Variants in STAU1 observed in about 807,000 individuals in gnomAD.
STAU1 encodes the protein double-stranded RNA-binding protein Staufen homolog 1.
A neutral mutation model predicts 62.9 loss-of-function variants in STAU1; 13 were observed. That is an observed-to-expected ratio of 0.21 (90% CI 0.13 to 0.33). The LOEUF (loss-of-function observed/expected upper bound fraction) is 0.33. Among genes scored for constraint, STAU1 ranks in the 10% least tolerant of loss-of-function variants. STAU1 has a pLI of 1.00. For missense variants in STAU1, 571 were observed against 712.1 expected (o/e 0.80, Z 2.25); for synonymous variants, 269 against 265.1 (o/e 1.01, Z -0.14).
intron 2 of STAU1, among the ~76,000 whole-genome samples, chr20:49,170,447 T>A (rs1220398082): frequency 6.6e-6 from 1 of 152,132 alleles, no homozygotes; most frequent in Non-Finnish European, 1.5e-5. Flanking sequence ...GCCTCCCAGG[T>A]TCAAGTGATT....
At chr20:49,171,577 G>C (rs1036141248) in intron 2 of STAU1, among the ~76,000 whole-genome samples, 5 of 152,096 alleles carry the variant, frequency 3.3e-5, no homozygotes, top group Admixed American at 3.3e-4. Context: ...GTGAGCCACC[G>C]CACCCAGCCT....
rs769366068 is a variant in STAU1 at position 49,134,153 on chromosome 20, C to T, written c.609+1680G>A. ...CATTAAAAATTCTCCCTTACTGGGC[C>T]GGGCAAGGTGGCTCACGCCTGTAAT... On this transcript the variant is annotated intron_variant, in intron 6 of 13. Coordinates refer to ENST00000371856, the MANE Select transcript of STAU1 (RefSeq NM_017453.4). Among the ~76,000 whole-genome samples, 52 of 152,050 alleles carry T rather than the reference C, an allele frequency of 3.4e-4. 1 individual carries two copies. Among genetic ancestry groups the T allele is most frequent in the Non-Finnish European group, 8.8e-5 (6 of 68,006 alleles).
intron 9 of STAU1, 108 bp from the exon 10 acceptor site, chr20:49,118,516 G>T: frequency 1.1e-6 from 1 of 869,798 alleles, no homozygotes. Flanking sequence ...AATAACTGTG[G>T]CAATCGGCAG....
At chr20:49,176,758 A>T (rs1229512411) in intron 1 of STAU1, among the ~76,000 whole-genome samples, 1 of 152,178 alleles carries the variant, frequency 6.6e-6, no homozygotes, top group Non-Finnish European at 1.5e-5. Flanking sequence ...CCCAAATACC[A>T]AAGACCTTCT....
intron 1 of STAU1, among the ~76,000 whole-genome samples, chr20:49,176,376 G>C (rs927237944): frequency 3.9e-5 from 6 of 152,122 alleles, no homozygotes; most frequent in Non-Finnish European, 8.8e-5. Flanking sequence ...CAGAATTTGA[G>C]TTTAATTCTC....
intron 1 of STAU1, among the ~76,000 whole-genome samples, chr20:49,187,143 T>C (rs348287): frequency 1.5e-4 from 23 of 152,104 alleles, no homozygotes; most frequent in African/African-American, 5.6e-4. Context: ...CTAGATAGGT[T>C]TGCTCAACTC....
At chr20:49,175,561 C>T (rs1373756959) in intron 1 of STAU1, among the ~76,000 whole-genome samples, 1 of 150,910 alleles carries the variant, frequency 6.6e-6, no homozygotes, top group Non-Finnish European at 1.5e-5. Flanking sequence ...CTCCCTGCAA[C>T]CTCCGCCTCC....
At chr20:49,153,251 G>GGAAAAAAAAA (rs1379385445) in intron 4 of STAU1, among the ~76,000 whole-genome samples, 3 of 99,076 alleles carry the variant, frequency 3.0e-5, no homozygotes, top group African/African-American at 1.2e-4. Flanking sequence ...CTCCGTCTCA[G>GGAAAAAAAAA]AAAAAAAAAA....
In STAU1 at chr20:49,117,854, A is replaced by G. The variant is rs1294541307; in HGVS notation, c.1432T>C (p.Ser478Pro). The change falls in exon 11 of 14, where the codon TCA becomes CCA. Residue 478 changes from serine (S) to proline (P), a missense_variant. Coordinates refer to ENST00000371856, the MANE Select transcript of STAU1 (RefSeq NM_017453.4). The surrounding 1 kb of genome is among the most constrained non-coding windows in gnomAD (Gnocchi z 4.6). ...AGAGGTCCATGGGGTACGTGGCCTG[A>G]AGAGATGTTATTCTTTAAAATGGTC... ...AETILKNNIS[S>P]GHVPHGPLTR... 79 of 1,614,180 alleles carry G rather than the reference A, an allele frequency of 4.9e-5. No individual in the cohort carries two copies. The highest frequency in any genetic ancestry group is 1.6e-4 in the Middle Eastern group (1 of 6,062).
upstream of STAU1, chr20:49,188,515 G>A (rs779022333): frequency 3.3e-5 from 5 of 152,420 alleles, no homozygotes; most frequent in Non-Finnish European, 7.3e-5. Context: ...GGCCCAGCGG[G>A]AGGAGCGCCC....
chr20:49,206,413 G>GT, the STAU1 span, among the ~76,000 whole-genome samples: 1 of 129,484 alleles, frequency 7.7e-6, no homozygotes, highest in Non-Finnish European at 1.6e-5. Flanking sequence ...TCTTCCTTCT[G>GT]GTTTTTTTTT....
intron 9 of STAU1, among the ~76,000 whole-genome samples, chr20:49,118,795 T>G: frequency 6.6e-6 from 1 of 152,168 alleles, no homozygotes; most frequent in East Asian, 1.9e-4. Flanking sequence ...TCAAGAATAT[T>G]TCCTGGAGCT....
chr20:49,115,369 C>T (rs773447980), intron 13 of STAU1, among the ~76,000 whole-genome samples: 7 of 151,858 alleles, frequency 4.6e-5, no homozygotes, highest in African/African-American at 1.7e-4. Flanking sequence ...GGCGCTATGT[C>T]GGCTCACTGC....
At chr20:49,202,118 G>A in the STAU1 span, among the ~76,000 whole-genome samples, 1 of 151,128 alleles carries the variant, frequency 6.6e-6, no homozygotes, top group Non-Finnish European at 1.5e-5. Context: ...TACTCAGGAG[G>A]CTGAGGCAGG....
intron 4 of STAU1, 141 bp from the exon 5 acceptor site, chr20:49,151,888 C>A: frequency 1.4e-6 from 1 of 722,672 alleles, no homozygotes; most frequent in East Asian, 3.0e-5. Context: ...ATCAATATAT[C>A]CAGAGATTTC....
rs1309573018 is a variant in STAU1, at chr20:49,181,763, C to CAAAAAAAAAAAAAAAAAA, written c.-160+6352_-160+6353insTTTTTTTTTTTTTTTTTT. Among the ~76,000 whole-genome samples the CAAAAAAAAAAAAAAAAAA allele has an allele frequency of 4.5e-5, 3 of 66,702 alleles. 1 individual carries two copies. Among genetic ancestry groups the CAAAAAAAAAAAAAAAAAA allele is most frequent in the Admixed American group, 1.9e-4 (1 of 5,358 alleles). The allele number at this position is 66,702 out of a possible 152,430, so 43.8% of individuals were successfully genotyped here. On this transcript the variant is annotated intron_variant, in intron 1 of 13. Transcript: ENST00000371856. ...CCTGGGCAACAGAGCAAGACTATCTCAACAAAAAAAAAAAAAAAAAAAAAA... is the reference window on the plus strand; with the variant it reads ...CCTGGGCAACAGAGCAAGACTATCTCAAAAAAAAAAAAAAAAAAAACAAAAAAAAAAAAAAAAAAAAAA...
chr20:49,165,580 C>A (rs1315223766), intron 3 of STAU1, among the ~76,000 whole-genome samples: 1 of 152,144 alleles, frequency 6.6e-6, no homozygotes, highest in African/African-American at 2.4e-5. Flanking sequence ...TGCTGATCCA[C>A]CTGCCTCAAC....
At chr20:49,182,897 T>C (rs571881182) in intron 1 of STAU1, among the ~76,000 whole-genome samples, 136 of 139,208 alleles carry the variant, frequency 9.8e-4, no homozygotes, top group Non-Finnish European at 1.5e-3. Flanking sequence ...GAGGCAAAAA[T>C]AGAAAGTAGA....
At chr20:49,190,161 A>C (rs867918606), upstream of STAU1, among the ~76,000 whole-genome samples, 1 of 152,182 alleles carries the variant, frequency 6.6e-6, no homozygotes, top group Non-Finnish European at 1.5e-5. Context: ...GGTCTCCCTA[A>C]ACCCAAAGCT....
Sources: gnomAD v4.1 joint callset for allele counts (sites outside exome capture counted in the v4.1 genomes callset) on GRCh38, gnomAD v4.1.1 for gene constraint, Gnocchi (gnomAD v3.1) non-coding constraint, MANE v1.5 for transcripts, NCBI Gene and HGNC (gene_info 2026-07-23, HGNC 2026-07-21) for gene names.